RFX3: variants seen among roughly 807,000 people sequenced by gnomAD.
The protein encoded by RFX3 is regulatory factor X3.
RFX3 carries 14 observed loss-of-function variants against 98.6 expected under a neutral mutation model. That is an observed-to-expected ratio of 0.14 (90% CI 0.09 to 0.22). The LOEUF (loss-of-function observed/expected upper bound fraction) is 0.22, where lower values mean the gene tolerates loss of function less well. RFX3 is among the 10% of genes least tolerant of loss of function. RFX3 has a pLI of 1.00. For synonymous variants in RFX3, 383 were observed against 328.4 expected, an observed-to-expected ratio of 1.17 and a Z score of -1.80; for missense variants, 639 against 926.9, an observed-to-expected ratio of 0.69 and a Z score of 4.03.
At chr9:3,270,892 T>C (rs1406215921) in intron 10 of RFX3, 111 bp downstream of exon 10, 2 of 1,450,594 alleles carry the variant, frequency 1.4e-6, no homozygotes. Flanking sequence ...CATCAATCTA[T>C]TCAATTAATG....
chr9:3,457,777 T>C (rs1194994166), intron 1 of RFX3, among the ~76,000 whole-genome samples: 1 of 152,140 alleles, frequency 6.6e-6, no homozygotes, highest in Non-Finnish European at 1.5e-5. Flanking sequence ...ATTCATTCAA[T>C]GAATGTTTTA....
chr9:3,307,940 C>G (rs939071393), intron 4 of RFX3, among the ~76,000 whole-genome samples: 3 of 151,970 alleles, frequency 2.0e-5, no homozygotes, highest in Admixed American at 1.3e-4. Flanking sequence ...CCTTTTTTTA[C>G]TTAATGGTAC....
At chr9:3,373,219 G>T (rs934828587) in intron 2 of RFX3, among the ~76,000 whole-genome samples, 6 of 152,010 alleles carry the variant, frequency 3.9e-5, no homozygotes, top group Admixed American at 3.9e-4. Context: ...AGAGAGAATG[G>T]ATGAGGGAAT....
intron 1 of RFX3, among the ~76,000 whole-genome samples, chr9:3,472,176 G>A (rs1323023043): frequency 1.3e-5 from 2 of 152,182 alleles, no homozygotes; most frequent in Non-Finnish European, 2.9e-5. Flanking sequence ...GTTATCTCTG[G>A]AATTGACAGG....
intron 1 of RFX3, among the ~76,000 whole-genome samples, chr9:3,460,749 C>G (rs1847612536): frequency 6.6e-6 from 1 of 151,626 alleles, no homozygotes; most frequent in African/African-American, 2.4e-5. Flanking sequence ...CACATGCCCA[C>G]TATCAAAAGA....
intron 4 of RFX3, among the ~76,000 whole-genome samples, chr9:3,320,139 T>C (rs991611837): frequency 5.9e-5 from 9 of 152,204 alleles, no homozygotes; most frequent in Non-Finnish European, 8.8e-5. Context: ...ATAGATATAA[T>C]GTATAATCAT....
chr9:3,452,287 AT>A, intron 1 of RFX3: 4 of 213,876 alleles, frequency 1.9e-5, no homozygotes, highest in South Asian at 1.4e-4. Context: ...CTCAAATGTC[AT>A]TTTTTAAAAA....
intron 1 of RFX3, among the ~76,000 whole-genome samples, chr9:3,435,802 T>TAA (rs34925429): frequency 0.074 from 7,225 of 97,386 alleles, 665 homozygotes; most frequent in African/African-American, 0.23. Context: ...ATCTGCATTG[T>TAA]AAAAAAAAAA....
At chr9:3,444,603 G>GT in intron 1 of RFX3, among the ~76,000 whole-genome samples, 1 of 152,214 alleles carries the variant, frequency 6.6e-6, no homozygotes, top group South Asian at 2.1e-4. Flanking sequence ...CAACAAAGCT[G>GT]TTTTTCACAA....
chr9:3,497,957 C>T (rs1353453571), intron 1 of RFX3, among the ~76,000 whole-genome samples: 1 of 152,000 alleles, frequency 6.6e-6, no homozygotes, highest in East Asian at 1.9e-4. Context: ...CTTTAACAAT[C>T]TTTTCCAAAT....
chr9:3,275,769 A>T (rs1424988159), intron 8 of RFX3, among the ~76,000 whole-genome samples, 157 bp from the exon 9 acceptor site: 1 of 152,126 alleles, frequency 6.6e-6, no homozygotes, highest in Non-Finnish European at 1.5e-5. Context: ...TACAAGTAAA[A>T]CTAAGCAACA....
chr9:3,376,691 T>C (rs1838539107), intron 2 of RFX3, among the ~76,000 whole-genome samples: 2 of 151,896 alleles, frequency 1.3e-5, no homozygotes, highest in South Asian at 2.1e-4. Context: ...TGCAATCTAC[T>C]CATCTGACAA....
At chr9:3,368,706 G>A (rs1837485720) in intron 2 of RFX3, among the ~76,000 whole-genome samples, 1 of 152,130 alleles carries the variant, frequency 6.6e-6, no homozygotes, top group South Asian at 2.1e-4. Flanking sequence ...GACAGTCACT[G>A]GGAATGCCTA....
At chr9:3,330,551 C>A in intron 3 of RFX3, 34 bp from the exon 4 acceptor site, 1 of 1,564,254 alleles carries the variant, frequency 6.4e-7, no homozygotes. Context: ...AATTTACTAG[C>A]TTATTTATGT....
At chr9:3,358,792 A>C (rs1836068081) in intron 2 of RFX3, among the ~76,000 whole-genome samples, 1 of 152,160 alleles carries the variant, frequency 6.6e-6, no homozygotes, top group Non-Finnish European at 1.5e-5. Context: ...GGAAACTTCC[A>C]ATCATGGCAG....
intron 2 of RFX3, among the ~76,000 whole-genome samples, chr9:3,353,304 A>T (rs916478544): frequency 6.6e-6 from 1 of 152,026 alleles, no homozygotes; most frequent in African/African-American, 2.4e-5. Context: ...ATATGTAACT[A>T]ACCTGCACAT....
chr9:3,466,441 G>A (rs1215269678), intron 1 of RFX3, among the ~76,000 whole-genome samples: 2 of 152,082 alleles, frequency 1.3e-5, no homozygotes, highest in Non-Finnish European at 2.9e-5. Flanking sequence ...TTAGTCAAAT[G>A]CATATGGCTA....
At chr9:3,374,499 T>G (rs1310634702) in intron 2 of RFX3, among the ~76,000 whole-genome samples, 4 of 152,148 alleles carry the variant, frequency 2.6e-5, no homozygotes, top group Non-Finnish European at 1.5e-5. Flanking sequence ...AAACAAAATG[T>G]GGTATATATC....
At position 3,225,065 on chromosome 9, in the gene RFX3, C is replaced by T; in HGVS notation, c.2227G>A (p.Gly743Arg). The change falls in exon 17 of 17, where the codon GGA (glycine) becomes AGA (arginine). Residue 743 changes from glycine (G) to arginine (R), a missense_variant. Gly to Arg is a moderately radical substitution (Grantham distance 125). This residue lies in a region of RFX3 where 129 missense variants were observed against 124.6 expected (regional missense o/e 1.04). Coordinates refer to ENST00000617270, the MANE Select transcript of RFX3 (RefSeq NM_001282116.2). The part of the protein sequence containing the change: ...TQTIRQCSAT[G>R]NTYTAV The stretch of plus-strand genomic sequence containing the variant: ...CTTTAGACTGCAGTGTAGGTATTTC[C>T]TGTAGCGCTGCACTGTCTGATAGTC... The T allele has an allele frequency of 6.2e-7, 1 of 1,613,876 alleles. No homozygotes were observed.
Sources: gnomAD v4.1 joint callset for allele counts (sites outside exome capture counted in the v4.1 genomes callset) on GRCh38, gnomAD v4.1.1 for gene constraint, gnomAD v4.1.1 regional missense constraint, MANE v1.5 for transcripts, NCBI Gene and HGNC (gene_info 2026-07-23, HGNC 2026-07-21) for gene names.